SPMIP8: variants seen among roughly 807,000 people sequenced by gnomAD.
SPMIP8 encodes the protein sperm microtubule inner protein 8.
chr16:57,978,116 G>A, the SPMIP8 span: 1 of 1,485,824 alleles, frequency 6.7e-7, no homozygotes, highest in South Asian at 1.3e-5. Flanking sequence ...ATGCAAGGAT[G>A]AAAGAGGCCA....
At chr16:57,981,107 G>A in the SPMIP8 span, among the ~76,000 whole-genome samples, 2 of 152,092 alleles carry the variant, frequency 1.3e-5, no homozygotes, top group East Asian at 1.9e-4. Flanking sequence ...TTGGCCGGGC[G>A]TGGCGGTTCA....
At chr16:57,977,790 C>A in the SPMIP8 span, 3 of 1,597,820 alleles carry the variant, frequency 1.9e-6, no homozygotes, top group South Asian at 1.1e-5. Context: ...CCAGGGTGAG[C>A]CCCTTAGAAC....
the SPMIP8 span, chr16:57,987,484 G>A: frequency 7.1e-6 from 11 of 1,548,020 alleles, no homozygotes; most frequent in Admixed American, 4.0e-5. Context: ...AGGTCCCCTG[G>A]CCAGACAGAG....
chr16:57,977,925 G>A, the SPMIP8 span: 19 of 1,614,026 alleles, frequency 1.2e-5, no homozygotes, highest in Middle Eastern at 1.6e-4. Context: ...GCTGGCGGGC[G>A]TGAAGCAGCA....
the SPMIP8 span, chr16:57,984,614 C>G: frequency 1.3e-6 from 2 of 1,547,022 alleles, no homozygotes. Flanking sequence ...CCGCGCGGGC[C>G]TGACCCCCGT....
chr16:57,981,395 T>TATTATTATTATTATTATA, the SPMIP8 span, among the ~76,000 whole-genome samples: 14 of 127,796 alleles, frequency 1.1e-4, no homozygotes, highest in South Asian at 7.0e-4. Flanking sequence ...TAATAATAAT[T>TATTATTATTATTATTATA]ATTATTATTA....
At chr16:57,987,982 C>T in the SPMIP8 span, 1 of 152,666 alleles carries the variant, frequency 6.6e-6, no homozygotes, top group Non-Finnish European at 1.5e-5. Context: ...GGGAGCTGGC[C>T]AGGCCTATGG....
At chr16:57,983,625 A>AT in the SPMIP8 span, among the ~76,000 whole-genome samples, 11 of 151,636 alleles carry the variant, frequency 7.3e-5, no homozygotes, top group South Asian at 6.3e-4. Context: ...TTAAAAAAAA[A>AT]TTTTTTAAGA....
chr16:57,987,572 C>CACA, the SPMIP8 span: 1 of 859,956 alleles, frequency 1.2e-6, no homozygotes, highest in Non-Finnish European at 1.6e-6. Flanking sequence ...TAGAGACACA[C>CACA]GCAATTGTCT....
At chr16:57,986,032 C>T in the SPMIP8 span, 3 of 1,476,992 alleles carry the variant, frequency 2.0e-6, no homozygotes, top group Non-Finnish European at 2.7e-6. Flanking sequence ...TCTGAAACCC[C>T]CCTGCCCCAG....
chr16:57,977,560 A>AGAGTGT, the SPMIP8 span, among the ~76,000 whole-genome samples: 3 of 132,710 alleles, frequency 2.3e-5, no homozygotes, highest in South Asian at 5.0e-4. Context: ...GCACAATGTG[A>AGAGTGT]GTGTGTGTGT....
At chr16:57,985,301 CGGGGAGCGGGGGTCCTGGT>C in the SPMIP8 span, 1 of 1,493,350 alleles carries the variant, frequency 6.7e-7, no homozygotes, top group Non-Finnish European at 8.9e-7. Context: ...CGTCCCTGAG[CGGGGAGCGGGGGTCCTGGT>C]GGGGAGCGGC....
At chr16:57,981,501 CTTTTTTTTTTTTTT>C in the SPMIP8 span, among the ~76,000 whole-genome samples, 2 of 68,980 alleles carry the variant, frequency 2.9e-5, no homozygotes, top group African/African-American at 6.9e-5. Flanking sequence ...CTCTCTTTCT[CTTTTTTTTTTTTTT>C]TTTTTTTTTT....
the SPMIP8 span, among the ~76,000 whole-genome samples, chr16:57,979,415 C>T: frequency 6.6e-6 from 1 of 152,188 alleles, no homozygotes; most frequent in Admixed American, 6.5e-5. Context: ...AAACGGCAGC[C>T]ACGGGGTTCC....
At chr16:57,977,085 C>T in the SPMIP8 span, among the ~76,000 whole-genome samples, 19 of 152,178 alleles carry the variant, frequency 1.2e-4, no homozygotes, top group Non-Finnish European at 2.4e-4. Flanking sequence ...ATTCTGAACC[C>T]GCTTGCTGCT....
At chr16:57,981,688 G>C in the SPMIP8 span, among the ~76,000 whole-genome samples, 1 of 151,388 alleles carries the variant, frequency 6.6e-6, no homozygotes, top group Non-Finnish European at 1.5e-5. Context: ...GCTGATTTTT[G>C]TATTTTTAGT....
chr16:57,985,413 T>C, the SPMIP8 span: 1 of 1,612,410 alleles, frequency 6.2e-7, no homozygotes, highest in Non-Finnish European at 8.5e-7. Flanking sequence ...GGAAGCCCTG[T>C]GTGGGGCGTG....
chr16:57,981,416 T>A, the SPMIP8 span, among the ~76,000 whole-genome samples: 1,785 of 140,960 alleles, frequency 0.013, 25 homozygotes, highest in Admixed American at 0.018. Flanking sequence ...TAATAATAAT[T>A]ATTATTATTA....
chr16:57,980,198 G>A, the SPMIP8 span, among the ~76,000 whole-genome samples: 439 of 152,344 alleles, frequency 2.9e-3, 5 homozygotes, highest in African/African-American at 0.01. Flanking sequence ...CATGTCAAAG[G>A]AGGAGGGGTT....
Sources: allele counts gnomAD v4.1 joint callset (sites outside exome capture counted in the v4.1 genomes callset), GRCh38; gene constraint gnomAD v4.1.1; transcripts MANE v1.5; gene names NCBI Gene and HGNC (gene_info 2026-07-23, HGNC 2026-07-21).